BORCS7: variants seen among roughly 807,000 people sequenced by gnomAD.
BORCS7 encodes BLOC-1 related complex subunit 7, also known as BLOC-1-related complex subunit 7.
BORCS7 carries 20 observed loss-of-function variants against 17.5 expected under a neutral mutation model. The ratio of observed to expected loss-of-function variants is 1.14; its 90% CI spans 0.80 to 1.66. BORCS7 has a LOEUF of 1.66. Ranked by LOEUF, BORCS7 falls within the 40% of genes most tolerant of loss-of-function variation. The pLI, the probability that BORCS7 is intolerant of heterozygous loss-of-function variation, is 0.00. For missense variants in BORCS7, 122 were observed against 129.7 expected (o/e 0.94, Z 0.29); for synonymous variants, 57 against 49.8 (o/e 1.14, Z -0.61).
At position 102,863,084 on chromosome 10, in the gene BORCS7, C is replaced by G. The variant is rs926024421; in HGVS notation, c.*160C>G. 19 of 592,748 alleles carry G rather than the reference C, an allele frequency of 3.2e-5. No individual in the cohort carries two copies. In the East Asian group the frequency reaches 5.6e-4, roughly 18 times the overall value. The allele number at this position is 592,748 out of a possible 1,614,324, so 36.7% of individuals were successfully genotyped here. A position where few individuals can be genotyped will look rare whatever the true frequency, so the allele number is the denominator to read the frequency against. ...GGCGCGGTAGCTCACGCCTGTAATC[C>G]CAGCACTTTGGGAGGCCGAGGCGGG... On this transcript the variant is annotated 3_prime_UTR_variant, in exon 5 of 5. Coordinates refer to ENST00000339834, the MANE Select transcript of BORCS7 (RefSeq NM_001136200.2).
At chr10:102,861,215 G>A (rs556653870) in intron 3 of BORCS7, among the ~76,000 whole-genome samples, 103 of 152,064 alleles carry the variant, frequency 6.8e-4, no homozygotes, top group Non-Finnish European at 1.4e-3. Flanking sequence ...AGGGGTTCAA[G>A]ACCAGCCTGG....
chr10:102,854,467 G>T, intron 1 of BORCS7, 40 bp downstream of exon 1: 2 of 1,508,584 alleles, frequency 1.3e-6, no homozygotes, highest in Non-Finnish European at 1.8e-6. Flanking sequence ...ATAGTCCGGG[G>T]AGTCGCAGTC....
At chr10:102,861,228 A>G (rs1261715695) in intron 3 of BORCS7, among the ~76,000 whole-genome samples, 25 of 151,962 alleles carry the variant, frequency 1.6e-4, no homozygotes, top group Admixed American at 1.6e-3. Flanking sequence ...CAGCCTGGCC[A>G]ACATGGTGAA....
In BORCS7 at chr10:102,854,325, CG is replaced by C; in HGVS notation, c.41del (p.Gly14ValfsTer4). ...GAACGCCAGAGTCTCAAGCGCGGTT[CG>C]GTCAGTCCGTGAAGGGGCTTCTCAC... ...TGTPESQARF[G>X]QSVKGLLTEK... On this transcript the variant is annotated frameshift_variant, in exon 1 of 5. Transcript: ENST00000339834. LOFTEE classifies it high-confidence loss of function. 6.2e-7 allele frequency: 1 copy of C among 1,601,698 alleles called. No homozygotes were observed. Among genetic ancestry groups the C allele is most frequent in the Non-Finnish European group, 8.5e-7 (1 of 1,174,190 alleles).
At chr10:102,860,752 A>G in intron 3 of BORCS7, 1 of 614,808 alleles carries the variant, frequency 1.6e-6, no homozygotes, top group Non-Finnish European at 2.9e-6. Flanking sequence ...TCCACCCTTT[A>G]TGAACCTCCC....
At chr10:102,854,751 TA>T in intron 1 of BORCS7, among the ~76,000 whole-genome samples, 1 of 151,670 alleles carries the variant, frequency 6.6e-6, no homozygotes, top group African/African-American at 2.4e-5. Flanking sequence ...CCGTCTCTAC[TA>T]AAAAATAATA....
intron 4 of BORCS7, 98 bp downstream of exon 4, chr10:102,862,278 C>T: frequency 8.8e-7 from 1 of 1,132,518 alleles, no homozygotes; most frequent in South Asian, 1.4e-5. Flanking sequence ...CCCTGGTTGA[C>T]ACCTGCCCTC....
chr10:102,857,366 CT>C (rs941797540), intron 1 of BORCS7, among the ~76,000 whole-genome samples: 5 of 151,922 alleles, frequency 3.3e-5, no homozygotes, highest in African/African-American at 1.2e-4. Context: ...TGTTGGAACC[CT>C]TTTTTTTCTG....
chr10:102,862,501 T>G (rs1256162270), intron 4 of BORCS7, among the ~76,000 whole-genome samples: 1 of 152,254 alleles, frequency 6.6e-6, no homozygotes. Flanking sequence ...CCTTGTTTTC[T>G]AAAATGGATT....
At chr10:102,855,832 G>GCAAC (rs1844417965) in intron 1 of BORCS7, among the ~76,000 whole-genome samples, 2 of 152,170 alleles carry the variant, frequency 1.3e-5, no homozygotes, top group African/African-American at 4.8e-5. Flanking sequence ...CCGATCTCGG[G>GCAAC]CTCACTGCAA....
intron 3 of BORCS7, chr10:102,860,800 A>G (rs1844504747): frequency 1.7e-6 from 1 of 577,984 alleles, no homozygotes; most frequent in African/African-American, 1.9e-5. Flanking sequence ...GAGACTATAA[A>G]CCCTGTAAAG....
At chr10:102,859,690 C>T (rs1844486851) in intron 1 of BORCS7, among the ~76,000 whole-genome samples, 1 of 151,766 alleles carries the variant, frequency 6.6e-6, no homozygotes, top group African/African-American at 2.4e-5. Context: ...CTCAGCCTCC[C>T]AAGTAGCTGG....
At chr10:102,857,586 G>A (rs1442304729) in intron 1 of BORCS7, among the ~76,000 whole-genome samples, 1 of 152,082 alleles carries the variant, frequency 6.6e-6, no homozygotes, top group South Asian at 2.1e-4. Context: ...AACATATGCT[G>A]GCAAAAAGAT....
intron 1 of BORCS7, 92 bp from the exon 2 acceptor site, chr10:102,860,240 G>A (rs1844494117): frequency 2.9e-6 from 3 of 1,018,398 alleles, no homozygotes; most frequent in Admixed American, 2.0e-5. Context: ...AGGAGTGGGA[G>A]AGGAGAGAGG....
chr10:102,857,497 C>T (rs1477581145), intron 1 of BORCS7, among the ~76,000 whole-genome samples: 2 of 152,082 alleles, frequency 1.3e-5, no homozygotes, highest in Non-Finnish European at 2.9e-5. Flanking sequence ...TGGTACAGCC[C>T]TAAAGGAGAG....
rs566262839 is a variant in BORCS7 at position 102,864,877 on chromosome 10, A to C, written c.*1953A>C. The stretch of plus-strand genomic sequence containing the variant: ...TGCCGGAAGATAATATTTTTAAAAT[A>C]ACAAATGTTCAAATGCCATAAAAGA... On this transcript the variant is annotated 3_prime_UTR_variant, in exon 5 of 5. Coordinates refer to ENST00000339834, the MANE Select transcript of BORCS7 (RefSeq NM_001136200.2). The C allele has an allele frequency of 1.3e-4, 20 of 152,304 alleles. No homozygotes were observed. The highest frequency in any genetic ancestry group is 4.8e-4 in the African/African-American group (20 of 41,584). The allele number at this position is 152,304 out of a possible 1,614,324, so 9.4% of individuals were successfully genotyped here.
chr10:102,858,181 A>G (rs1844458957), intron 1 of BORCS7, among the ~76,000 whole-genome samples: 1 of 125,220 alleles, frequency 8.0e-6, no homozygotes, highest in Non-Finnish European at 1.7e-5. Context: ...AAAAAAATAT[A>G]TATATATATA....
chr10:102,854,947 AATATAC>A (rs1844401089), intron 1 of BORCS7, among the ~76,000 whole-genome samples: 1 of 147,280 alleles, frequency 6.8e-6, no homozygotes, highest in South Asian at 2.1e-4. Flanking sequence ...TTACATATAT[AATATAC>A]ATATATATTA....
In BORCS7 at chr10:102,859,491, G is replaced by C. The variant is rs547238410; in HGVS notation, c.142-841G>C. Among the ~76,000 whole-genome samples, 63 of 149,672 alleles carry C rather than the reference G, an allele frequency of 4.2e-4. No individual in the cohort carries two copies. In the South Asian group the frequency reaches 6.8e-3, roughly 16 times the overall value. On this transcript the variant is annotated intron_variant, in intron 1 of 4. Transcript: ENST00000339834. ...CTGTCTGGTCATCTTTTATGGGGTG[G>C]TTCCCCATTTTAAGCCCTGAGCTTC...
Sources: gnomAD v4.1 joint callset for allele counts (sites outside exome capture counted in the v4.1 genomes callset) on GRCh38, gnomAD v4.1.1 for gene constraint, MANE v1.5 for transcripts, NCBI Gene and HGNC (gene_info 2026-07-23, HGNC 2026-07-21) for gene names.